Variants in BLTP1 observed in about 807,000 individuals in gnomAD.
BLTP1 encodes the protein fragile site-associated protein.
the BLTP1 span, among the ~76,000 whole-genome samples, chr4:122,194,063 C>G: frequency 6.6e-6 from 1 of 152,008 alleles, no homozygotes; most frequent in Non-Finnish European, 1.5e-5. Context: ...GGGGTTTCAC[C>G]GTTTTAGCCG....
chr4:122,206,836 A>T, the BLTP1 span, among the ~76,000 whole-genome samples: 1 of 151,726 alleles, frequency 6.6e-6, no homozygotes, highest in African/African-American at 2.4e-5. Context: ...GTGGAACAGC[A>T]GGTGATTTTT....
chr4:122,173,236 G>A, the BLTP1 span: 2 of 1,384,140 alleles, frequency 1.4e-6, no homozygotes, highest in East Asian at 4.6e-5. Context: ...ATAACTGAAT[G>A]CCTGAGACTA....
chr4:122,201,140 A>G, the BLTP1 span: 4 of 1,591,960 alleles, frequency 2.5e-6, no homozygotes, highest in Non-Finnish European at 2.6e-6. Context: ...ATTTTCTAAT[A>G]GATATAAATA....
chr4:122,241,965 C>CA, the BLTP1 span, among the ~76,000 whole-genome samples: 4 of 151,648 alleles, frequency 2.6e-5, no homozygotes, highest in African/African-American at 9.7e-5. Context: ...GTCAGAAAGA[C>CA]AAAAAAATGA....
the BLTP1 span, chr4:122,308,244 C>T: frequency 6.9e-7 from 1 of 1,445,792 alleles, no homozygotes; most frequent in Admixed American, 1.9e-5. Flanking sequence ...TATAACAGTA[C>T]ATTTTTCAGT....
chr4:122,285,055 G>A, the BLTP1 span, among the ~76,000 whole-genome samples: 2 of 152,072 alleles, frequency 1.3e-5, no homozygotes, highest in Non-Finnish European at 2.9e-5. Context: ...AGAAGTCTTA[G>A]GCCTTCAGAT....
the BLTP1 span, chr4:122,304,739 G>C: frequency 6.4e-7 from 1 of 1,571,758 alleles, no homozygotes; most frequent in South Asian, 1.2e-5. Context: ...CTACATTTGA[G>C]TAGGTATATG....
chr4:122,188,489 G>A, the BLTP1 span, among the ~76,000 whole-genome samples: 1 of 152,048 alleles, frequency 6.6e-6, no homozygotes, highest in Non-Finnish European at 1.5e-5. Flanking sequence ...GTTATTGAAA[G>A]TCGAAAATTG....
At chr4:122,277,702 A>G in the BLTP1 span, 1 of 983,486 alleles carries the variant, frequency 1.0e-6, no homozygotes, top group Non-Finnish European at 1.2e-6. Context: ...TGAAAAGCAG[A>G]AAATGCAAGT....
the BLTP1 span, chr4:122,224,396 T>C: frequency 8.3e-7 from 1 of 1,201,456 alleles, no homozygotes; most frequent in Non-Finnish European, 1.2e-6. Flanking sequence ...ATAGATGGCA[T>C]GAGTTTATTG....
chr4:122,177,031 A>T, the BLTP1 span, among the ~76,000 whole-genome samples: 1 of 152,192 alleles, frequency 6.6e-6, no homozygotes, highest in African/African-American at 2.4e-5. Flanking sequence ...TTCCTCAGTC[A>T]TCATCCTTGA....
the BLTP1 span, chr4:122,247,727 A>G: frequency 9.9e-7 from 1 of 1,010,800 alleles, no homozygotes; most frequent in Non-Finnish European, 1.2e-6. Flanking sequence ...AAACAGTGTT[A>G]GAAAGAATTA....
chr4:122,274,659 A>C, the BLTP1 span: 5 of 980,104 alleles, frequency 5.1e-6, no homozygotes, highest in African/African-American at 7.0e-5. Context: ...TCCATTCAGC[A>C]GAGCAGTTTC....
At chr4:122,154,766 G>A in the BLTP1 span, 11 of 164,968 alleles carry the variant, frequency 6.7e-5, no homozygotes, top group Admixed American at 5.9e-4. Flanking sequence ...CAGCTACTCG[G>A]GAGGCTGAGG....
chr4:122,292,898 A>G, the BLTP1 span: 2 of 204,364 alleles, frequency 9.8e-6, no homozygotes, highest in Non-Finnish European at 1.7e-5. Context: ...AAATTGGGGT[A>G]CCTAACTTAA....
At chr4:122,254,546 G>C in the BLTP1 span, 1 of 938,210 alleles carries the variant, frequency 1.1e-6, no homozygotes, top group African/African-American at 1.8e-5. Context: ...TAGTACTTTA[G>C]TTTTATTTTT....
At chr4:122,167,063 C>T in the BLTP1 span, among the ~76,000 whole-genome samples, 21 of 152,290 alleles carry the variant, frequency 1.4e-4, no homozygotes, top group African/African-American at 5.1e-4. Flanking sequence ...CCTCTTTCCT[C>T]TTAGTAGAAA....
At chr4:122,301,112 A>G in the BLTP1 span, 4 of 744,484 alleles carry the variant, frequency 5.4e-6, no homozygotes, top group Non-Finnish European at 6.6e-6. Flanking sequence ...TTATTAATAA[A>G]TGTCTACATA....
the BLTP1 span, chr4:122,206,031 A>T: frequency 5.1e-6 from 5 of 984,056 alleles, no homozygotes; most frequent in Non-Finnish European, 6.0e-6. Flanking sequence ...ATTTATTGGG[A>T]TTAAAAAAAC....
Sources: gnomAD v4.1 joint callset for allele counts (sites outside exome capture counted in the v4.1 genomes callset) on GRCh38, gnomAD v4.1.1 for gene constraint, MANE v1.5 for transcripts, NCBI Gene and HGNC (gene_info 2026-07-23, HGNC 2026-07-21) for gene names.